TBC1D31: variants seen among roughly 807,000 people sequenced by gnomAD.
The protein encoded by TBC1D31 is TBC1 domain family member 31, also known as WD repeat domain 67.
TBC1D31 carries 99 observed loss-of-function variants against 132.9 expected under a neutral mutation model. The observed-to-expected ratio is 0.74, with a 90% CI of 0.63 to 0.88. The LOEUF is 0.88. TBC1D31 is among the 40% of genes least tolerant of loss of function. The pLI, the probability that TBC1D31 is intolerant of heterozygous loss-of-function variation, is 0.00. For missense variants in TBC1D31, 1,134 were observed against 1,256.6 expected, an observed-to-expected ratio of 0.90 and a Z score of 1.48; for synonymous variants, 385 against 419.4, an observed-to-expected ratio of 0.92 and a Z score of 1.00.
intron 10 of TBC1D31, among the ~76,000 whole-genome samples, chr8:123,110,253 C>T (rs1818317931): frequency 6.6e-6 from 1 of 151,942 alleles, no homozygotes; most frequent in Non-Finnish European, 1.5e-5. Flanking sequence ...GTAATAACAC[C>T]AACATCATAA....
At chr8:123,122,383 G>A (rs568761706) in intron 11 of TBC1D31, among the ~76,000 whole-genome samples, 168 of 152,328 alleles carry the variant, frequency 1.1e-3, no homozygotes, top group African/African-American at 3.7e-3. Flanking sequence ...CCACATGCTA[G>A]CTACTACACG....
At chr8:123,110,532 T>G (rs1231996984) in intron 10 of TBC1D31, among the ~76,000 whole-genome samples, 3 of 152,062 alleles carry the variant, frequency 2.0e-5, no homozygotes, top group Admixed American at 1.3e-4. Flanking sequence ...TATGAAAAAT[T>G]TCAAGCATAA....
At chr8:123,097,211 A>G (rs905364590) in intron 5 of TBC1D31, 71 bp from the exon 6 acceptor site, 3 of 1,534,980 alleles carry the variant, frequency 2.0e-6, no homozygotes, top group South Asian at 2.4e-5. Context: ...GTCATCATAG[A>G]AAGTTCTGTC....
chr8:123,149,944 T>A, intron 20 of TBC1D31, 92 bp from the exon 21 acceptor site: 1 of 819,434 alleles, frequency 1.2e-6, no homozygotes, highest in African/African-American at 1.7e-5. Flanking sequence ...TAGCCATCCT[T>A]GGTGATTGTA....
At chr8:123,094,606 C>G (rs1239020603) in intron 5 of TBC1D31, among the ~76,000 whole-genome samples, 2 of 152,010 alleles carry the variant, frequency 1.3e-5, no homozygotes, top group African/African-American at 4.8e-5. Flanking sequence ...ATGGCACTAT[C>G]TCAGCTCACT....
chr8:123,158,544 T>G, the TBC1D31 span, among the ~76,000 whole-genome samples: 1 of 151,904 alleles, frequency 6.6e-6, no homozygotes, highest in African/African-American at 2.4e-5. Flanking sequence ...TGGACCTAGG[T>G]GGGTGTGCGG....
At chr8:123,098,309 G>A (rs1339538355) in intron 6 of TBC1D31, among the ~76,000 whole-genome samples, 1 of 151,830 alleles carries the variant, frequency 6.6e-6, no homozygotes, top group Non-Finnish European at 1.5e-5. Context: ...CAGTTTTTTT[G>A]TTGTTGTTTT....
chr8:123,140,822 G>C lies in TBC1D31; in HGVS notation c.2561G>C (p.Arg854Thr). Reference protein sequence around the residue: ...KEMRADADAYRRKVDLEEHMF... With the variant: ...KEMRADADAYTRKVDLEEHMF... ...ATGCGAGCAGATGCAGATGCCTATAGACGAAAAGTGGATCTTGAAGAACAC... is the reference window on the plus strand; with the variant it reads ...ATGCGAGCAGATGCAGATGCCTATACACGAAAAGTGGATCTTGAAGAACAC... The change falls in exon 18 of 22, where the codon AGA (arginine) becomes ACA (threonine). Residue 854 changes from arginine (R) to threonine (T), a missense_variant. Transcript: ENST00000287380. 11 of 1,613,610 alleles carry C rather than the reference G, an allele frequency of 6.8e-6. No individual in the cohort carries two copies. Among genetic ancestry groups the C allele is most frequent in the Non-Finnish European group, 9.3e-6 (11 of 1,179,762 alleles).
downstream of TBC1D31, among the ~76,000 whole-genome samples, chr8:123,155,318 T>C (rs1044896900): frequency 7.9e-5 from 12 of 152,080 alleles, no homozygotes; most frequent in Non-Finnish European, 1.3e-4. The surrounding 1 kb of genome is among the most constrained non-coding windows in gnomAD (Gnocchi z 4.1). Flanking sequence ...CAACAAGACA[T>C]GATGGTGAGA....
chr8:123,073,602 CAG>C (rs1266135989), intron 1 of TBC1D31, among the ~76,000 whole-genome samples: 2 of 152,198 alleles, frequency 1.3e-5, no homozygotes, highest in Non-Finnish European at 2.9e-5. Flanking sequence ...TTTCTGCACG[CAG>C]AGTGATCTTA....
chr8:123,116,653 C>T (rs1025086245), intron 10 of TBC1D31, among the ~76,000 whole-genome samples: 1 of 151,996 alleles, frequency 6.6e-6, no homozygotes, highest in African/African-American at 2.4e-5. Context: ...GTGAGCGCAC[C>T]TACTGGTGTG....
rs1819986295 is a variant in TBC1D31, at chr8:123,125,959, T to C, written c.1571-97T>C. 6 of 880,014 alleles carry C rather than the reference T, an allele frequency of 6.8e-6. No homozygotes were observed. The South Asian group carries it at 1.0e-4, about 15-fold the overall frequency. The allele number at this position is 880,014 out of a possible 1,614,324, so 54.5% of individuals were successfully genotyped here. The stretch of plus-strand genomic sequence containing the variant: ...TTTTTTTTTATTATTCATGGACATA[T>C]TGAGAACATAAAGATTGGATACATT... On this transcript the variant is annotated intron_variant, in intron 11 of 21. Coordinates refer to ENST00000287380, the MANE Select transcript of TBC1D31 (RefSeq NM_145647.4).
chr8:123,079,200 A>G (rs1389020091), intron 2 of TBC1D31, among the ~76,000 whole-genome samples: 3 of 152,242 alleles, frequency 2.0e-5, no homozygotes, highest in African/African-American at 7.2e-5. Context: ...AAAGGCATGA[A>G]TCTGGACTGA....
intron 17 of TBC1D31, among the ~76,000 whole-genome samples, chr8:123,137,841 T>A (rs1159130743): frequency 6.6e-6 from 1 of 152,230 alleles, no homozygotes; most frequent in African/African-American, 2.4e-5. Context: ...CAGGAACTGA[T>A]CAAGGGCCAG....
intron 1 of TBC1D31, chr8:123,073,484 G>T: frequency 2.3e-6 from 1 of 441,612 alleles, no homozygotes; most frequent in South Asian, 1.6e-5. Flanking sequence ...TTCTAGTACG[G>T]CCAGCGCTGC....
intron 10 of TBC1D31, among the ~76,000 whole-genome samples, chr8:123,114,878 C>T (rs138092050): frequency 2.5e-4 from 38 of 152,114 alleles, no homozygotes; most frequent in Admixed American, 6.5e-4. Flanking sequence ...TATTTTGCCG[C>T]TTATCTTCCT....
chr8:123,157,270 A>G, the TBC1D31 span, among the ~76,000 whole-genome samples: 1 of 152,188 alleles, frequency 6.6e-6, no homozygotes, highest in Non-Finnish European at 1.5e-5. Context: ...TCAGATTATG[A>G]GACTGACGCG....
At chr8:123,143,161 G>A (rs983289720) in intron 19 of TBC1D31, among the ~76,000 whole-genome samples, 2 of 152,152 alleles carry the variant, frequency 1.3e-5, no homozygotes, top group Non-Finnish European at 2.9e-5. Context: ...GGAGAAGGGA[G>A]AGCACAAGTG....
At chr8:123,139,011 T>C (rs1375132926) in intron 17 of TBC1D31, among the ~76,000 whole-genome samples, 1 of 152,160 alleles carries the variant, frequency 6.6e-6, no homozygotes, top group Non-Finnish European at 1.5e-5. Flanking sequence ...TTTTACTATG[T>C]TGCTCATGCT....
Sources: allele counts gnomAD v4.1 joint callset (sites outside exome capture counted in the v4.1 genomes callset), GRCh38; gene constraint gnomAD v4.1.1; non-coding constraint Gnocchi (gnomAD v3.1); transcripts MANE v1.5; gene names NCBI Gene and HGNC (gene_info 2026-07-23, HGNC 2026-07-21).